Variants in CYB5B observed in about 807,000 individuals in gnomAD.
The protein encoded by CYB5B is cytochrome b5 type B, also known as cytochrome b5 type B (outer mitochondrial membrane).
In CYB5B, 14 loss-of-function variants were observed where a neutral mutation model predicts 21.3. The ratio of observed to expected loss-of-function variants is 0.66; its 90% confidence interval spans 0.43 to 1.03. The LOEUF (loss-of-function observed/expected upper bound fraction) is 1.03, where lower values mean the gene tolerates loss of function less well. CYB5B is among the 50% of genes least tolerant of loss of function. The pLI is 0.00. For missense variants in CYB5B, 166 were observed against 185.1 expected (o/e 0.90, Z 0.60); for synonymous variants, 69 against 68.4 (o/e 1.01, Z -0.04).
chr16:69,430,554 GCAGTGTAAAATTATTTCCTTA>G (rs915267221), intron 1 of CYB5B, among the ~76,000 whole-genome samples: 8 of 151,904 alleles, frequency 5.3e-5, no homozygotes, highest in Admixed American at 6.6e-5. Context: ...TTATTGGATT[GCAGTGTAAAATTATTTCCTTA>G]CTGGGTATTA....
At chr16:69,439,002 G>T (rs895941590) in intron 1 of CYB5B, among the ~76,000 whole-genome samples, 1 of 151,882 alleles carries the variant, frequency 6.6e-6, no homozygotes, top group African/African-American at 2.4e-5. Flanking sequence ...CATGCTTTTG[G>T]TATCATATCT....
At position 69,465,875 on chromosome 16, in the gene CYB5B, T is replaced by A. The variant is rs1448039821; in HGVS notation, c.*3355T>A. ...GAAGTAATGAGGAGTTTAGTTACAT[T>A]TGGCTGTTGTGCTCTGAAAGAGCCA... On this transcript the variant is annotated 3_prime_UTR_variant, in exon 5 of 5. Transcript: ENST00000307892. The A allele has an allele frequency of 6.6e-6, 1 of 152,310 alleles. No homozygotes were observed. The highest frequency in any genetic ancestry group is 2.4e-5 in the African/African-American group (1 of 41,430). The allele number at this position is 152,310 out of a possible 1,614,324, so 9.4% of individuals were successfully genotyped here.
At chr16:69,426,195 C>T (rs1205368676) in intron 1 of CYB5B, among the ~76,000 whole-genome samples, 11 of 151,456 alleles carry the variant, frequency 7.3e-5, no homozygotes, top group African/African-American at 1.9e-4. Context: ...GTCAGGAGAT[C>T]GAGACCGTCC....
At chr16:69,437,888 T>G (rs570316063) in intron 1 of CYB5B, among the ~76,000 whole-genome samples, 1 of 152,354 alleles carries the variant, frequency 6.6e-6, no homozygotes, top group South Asian at 2.1e-4. Context: ...TGTATTTGGC[T>G]TCTTTCACTT....
At chr16:69,435,516 G>A (rs908761164) in intron 1 of CYB5B, among the ~76,000 whole-genome samples, 2 of 152,100 alleles carry the variant, frequency 1.3e-5, no homozygotes, top group African/African-American at 4.8e-5. Flanking sequence ...TACAATCCCA[G>A]GGTATTTCTT....
chr16:69,456,561 G>A (rs1436254858), intron 3 of CYB5B, among the ~76,000 whole-genome samples: 1 of 152,190 alleles, frequency 6.6e-6, no homozygotes, highest in Admixed American at 6.5e-5. Context: ...CTTTGGATTT[G>A]ATTCACCACT....
At chr16:69,434,346 T>C (rs2014737424) in intron 1 of CYB5B, among the ~76,000 whole-genome samples, 1 of 152,214 alleles carries the variant, frequency 6.6e-6, no homozygotes, top group South Asian at 2.1e-4. Flanking sequence ...CAAATCTTTG[T>C]GTGGACATAT....
intron 1 of CYB5B, among the ~76,000 whole-genome samples, chr16:69,432,406 A>G (rs1477049112): frequency 6.6e-6 from 1 of 152,184 alleles, no homozygotes; most frequent in Non-Finnish European, 1.5e-5. Context: ...ATGTTAGATG[A>G]TTTTGCCCAA....
At chr16:69,459,245 A>C in intron 4 of CYB5B, 124 bp downstream of exon 4, 1 of 1,177,154 alleles carries the variant, frequency 8.5e-7, no homozygotes, top group East Asian at 2.7e-5. Flanking sequence ...TTTTTGGCCC[A>C]AATCATTGCA....
chr16:69,460,119 G>A (rs570411320), intron 4 of CYB5B, among the ~76,000 whole-genome samples: 1 of 151,938 alleles, frequency 6.6e-6, no homozygotes, highest in Non-Finnish European at 1.5e-5. Context: ...ATGGTGGTGC[G>A]AGCTTTGGGA....
At chr16:69,447,371 G>A (rs2014888434) in intron 2 of CYB5B, 93 bp downstream of exon 2, 1 of 1,511,680 alleles carries the variant, frequency 6.6e-7, no homozygotes, top group Non-Finnish European at 8.9e-7. Context: ...GCTGGGCGTG[G>A]TGGCTCACAC....
At chr16:69,455,556 C>G (rs55945180) in intron 3 of CYB5B, among the ~76,000 whole-genome samples, 12,760 of 151,712 alleles carry the variant, frequency 0.084, 579 homozygotes, top group Middle Eastern at 0.12. Flanking sequence ...TACAGGCACA[C>G]ACTGCCATGC....
At chr16:69,428,618 T>G (rs2014673067) in intron 1 of CYB5B, among the ~76,000 whole-genome samples, 1 of 151,788 alleles carries the variant, frequency 6.6e-6, no homozygotes, top group Admixed American at 6.6e-5. Flanking sequence ...ATTGTGGCAC[T>G]GAACTCCAGT....
chr16:69,441,153 C>CTTTTT (rs533158390), intron 1 of CYB5B, among the ~76,000 whole-genome samples: 2 of 133,320 alleles, frequency 1.5e-5, no homozygotes, highest in African/African-American at 2.8e-5. Flanking sequence ...TTACTTCTCT[C>CTTTTT]TTTTTTTTTT....
intron 1 of CYB5B, among the ~76,000 whole-genome samples, chr16:69,428,606 A>T (rs141576729): frequency 6.6e-6 from 1 of 152,156 alleles, no homozygotes; most frequent in Non-Finnish European, 1.5e-5. Context: ...CAGCGATCCA[A>T]GATTGTGGCA....
chr16:69,459,155 A>G, intron 4 of CYB5B, 34 bp downstream of exon 4: 1 of 1,594,402 alleles, frequency 6.3e-7, no homozygotes, highest in Non-Finnish European at 8.5e-7. Context: ...CCATACGTTC[A>G]AGGTAATGTC....
At chr16:69,439,805 G>A (rs183483168) in intron 1 of CYB5B, among the ~76,000 whole-genome samples, 20 of 152,086 alleles carry the variant, frequency 1.3e-4, no homozygotes, top group Non-Finnish European at 2.6e-4. Flanking sequence ...AACCTCAAGT[G>A]ATCCACCTGC....
chr16:69,450,288 A>C lies in CYB5B; in HGVS notation c.333+2144A>C, dbSNP rs139791044. The C allele has an allele frequency of 6.2e-4, 94 of 152,186 alleles. No individual in the cohort carries two copies. The East Asian group carries it at 0.01, about 17-fold the overall frequency. The allele number at this position is 152,186 out of a possible 1,614,324, so 9.4% of individuals were successfully genotyped here. ...GATTTTTTTGTAAGAAAGATAGAAAAAGAAAGCATTTAAGCTCACCAAGTT... is the reference window on the plus strand; with the variant it reads ...GATTTTTTTGTAAGAAAGATAGAAACAGAAAGCATTTAAGCTCACCAAGTT... On this transcript the variant is annotated intron_variant, in intron 3 of 4. Coordinates refer to ENST00000307892, the MANE Select transcript of CYB5B (RefSeq NM_030579.3).
chr16:69,432,857 C>T (rs945365418), intron 1 of CYB5B, among the ~76,000 whole-genome samples: 6 of 152,112 alleles, frequency 3.9e-5, no homozygotes, highest in East Asian at 1.9e-4. Flanking sequence ...AGTGCAATGG[C>T]GCGATCTCAG....
Sources: gnomAD v4.1 joint callset for allele counts (sites outside exome capture counted in the v4.1 genomes callset) on GRCh38, gnomAD v4.1.1 for gene constraint, MANE v1.5 for transcripts, NCBI Gene and HGNC (gene_info 2026-07-23, HGNC 2026-07-21) for gene names.